EYS: variants seen among roughly 807,000 people sequenced by gnomAD.
EYS encodes the protein EGF-like photoreceptor maintenance factor.
EYS carries 250 observed loss-of-function variants against 282.1 expected under a neutral mutation model. That is an observed-to-expected ratio of 0.89 (90% CI 0.80 to 0.98). The LOEUF is 0.98. Among genes scored for constraint, EYS ranks in the 50% least tolerant of loss-of-function variants. The pLI, the probability that EYS is intolerant of heterozygous loss-of-function variation, is 0.00. For missense variants in EYS, 4,016 were observed against 3,709.0 expected, an observed-to-expected ratio of 1.08 and a Z score of -2.15; for synonymous variants, 1,355 against 1,282.9, an observed-to-expected ratio of 1.06 and a Z score of -1.20.
intron 33 of EYS, among the ~76,000 whole-genome samples, chr6:64,029,479 AC>A (rs1342421100): frequency 1.3e-5 from 2 of 152,192 alleles, no homozygotes; most frequent in Non-Finnish European, 2.9e-5. Flanking sequence ...CTACTTAGAT[AC>A]CAGGTACTCC....
chr6:64,735,752 A>G (rs995547954), intron 22 of EYS, among the ~76,000 whole-genome samples: 11 of 152,168 alleles, frequency 7.2e-5, no homozygotes, highest in African/African-American at 2.7e-4. Flanking sequence ...ATTTTTTGAC[A>G]TAAATGTAGT....
At chr6:65,610,811 G>A (rs1466911846) in intron 2 of EYS, among the ~76,000 whole-genome samples, 2 of 151,972 alleles carry the variant, frequency 1.3e-5, no homozygotes, top group Admixed American at 6.6e-5. Context: ...TTAAAATATC[G>A]TGTTTATAAT....
intron 12 of EYS, among the ~76,000 whole-genome samples, chr6:65,107,390 T>C (rs1775071127): frequency 7.3e-6 from 1 of 136,154 alleles, no homozygotes; most frequent in Non-Finnish European, 1.5e-5. Flanking sequence ...GTTATTGTTA[T>C]ATAACACCTA....
chr6:64,011,354 T>A (rs1201973942), intron 33 of EYS, among the ~76,000 whole-genome samples: 2 of 152,184 alleles, frequency 1.3e-5, no homozygotes, highest in African/African-American at 4.8e-5. Flanking sequence ...AGTTCTTGCC[T>A]TTGAAGGGAC....
chr6:64,543,576 C>A (rs1000080996), intron 26 of EYS, among the ~76,000 whole-genome samples: 5 of 152,032 alleles, frequency 3.3e-5, no homozygotes, highest in Non-Finnish European at 7.4e-5. Flanking sequence ...AAGGCTCTAT[C>A]ACAAAATGTT....
At chr6:64,761,594 C>T (rs781063046) in intron 22 of EYS, among the ~76,000 whole-genome samples, 2 of 152,122 alleles carry the variant, frequency 1.3e-5, no homozygotes, top group Non-Finnish European at 2.9e-5. Context: ...GCAGCTGGGA[C>T]TACTGGCGCA....
At chr6:65,112,378 C>G (rs780323000) in intron 12 of EYS, among the ~76,000 whole-genome samples, 47 of 151,940 alleles carry the variant, frequency 3.1e-4, no homozygotes, top group Admixed American at 1.1e-3. Flanking sequence ...AATAGATAGA[C>G]CTTTCATCTA....
chr6:65,162,555 A>C (rs1018219144), intron 12 of EYS, among the ~76,000 whole-genome samples: 1 of 151,154 alleles, frequency 6.6e-6, no homozygotes, highest in African/African-American at 2.4e-5. Flanking sequence ...TAATGTTATA[A>C]ATTTCCATTT....
chr6:64,710,267 G>T (rs6914376), intron 22 of EYS, among the ~76,000 whole-genome samples: 5,859 of 152,194 alleles, frequency 0.038, 255 homozygotes, highest in East Asian at 0.14. Flanking sequence ...TTTCCACATG[G>T]CATTTCATAG....
At chr6:64,405,608 C>T (rs979812660) in intron 28 of EYS, among the ~76,000 whole-genome samples, 1 of 152,150 alleles carries the variant, frequency 6.6e-6, no homozygotes, top group Admixed American at 6.5e-5. Context: ...TCTCCTTAAG[C>T]TGATAAGCAA....
intron 23 of EYS, 144 bp downstream of exon 23, chr6:64,625,977 T>A (rs139663707): frequency 1.9e-6 from 1 of 532,170 alleles, no homozygotes; most frequent in Non-Finnish European, 3.3e-6. Flanking sequence ...AGAATGATCA[T>A]TGCTTAAAAC....
intron 37 of EYS, among the ~76,000 whole-genome samples, chr6:63,802,435 G>T (rs1326154150): frequency 6.6e-6 from 1 of 151,624 alleles, no homozygotes; most frequent in African/African-American, 2.4e-5. Context: ...TGCACGTTCT[G>T]CACATGCATC....
At chr6:64,962,773 G>A (rs1769968087) in intron 14 of EYS, among the ~76,000 whole-genome samples, 1 of 151,912 alleles carries the variant, frequency 6.6e-6, no homozygotes. Context: ...CAAAAAAAGA[G>A]AGAGAGAAAT....
chr6:65,493,217 C>A (rs529089943), intron 4 of EYS, among the ~76,000 whole-genome samples: 30 of 152,200 alleles, frequency 2.0e-4, no homozygotes, highest in African/African-American at 7.2e-4. Flanking sequence ...CAAGTCGGCT[C>A]CCATTACATG....
At chr6:64,813,614 G>A in intron 21 of EYS, 37 bp from the exon 22 acceptor site, 2 of 1,271,610 alleles carry the variant, frequency 1.6e-6, no homozygotes, top group South Asian at 1.6e-5. Context: ...TTGATTATTA[G>A]TATAAGGTTG....
chr6:65,158,708 T>C (rs921868203), intron 12 of EYS, among the ~76,000 whole-genome samples: 1 of 150,892 alleles, frequency 6.6e-6, no homozygotes, highest in Non-Finnish European at 1.5e-5. Flanking sequence ...AATGAAAGTA[T>C]TGTAATTTCA....
intron 6 of EYS, among the ~76,000 whole-genome samples, chr6:65,403,393 CTTTG>C (rs1030747630): frequency 6.6e-6 from 1 of 151,728 alleles, no homozygotes; most frequent in Non-Finnish European, 1.5e-5. Context: ...TCTCTTTTTT[CTTTG>C]TTATCCTTAT....
At chr6:65,293,068 T>C (rs1768570595) in intron 12 of EYS, among the ~76,000 whole-genome samples, 1 of 151,664 alleles carries the variant, frequency 6.6e-6, no homozygotes, top group Non-Finnish European at 1.5e-5. Context: ...GTCTAAGAAC[T>C]TGAATCCTAT....
intron 22 of EYS, among the ~76,000 whole-genome samples, chr6:64,661,571 A>G (rs1712324380): frequency 6.6e-6 from 1 of 152,014 alleles, no homozygotes; most frequent in African/African-American, 2.4e-5. Context: ...AAATTGGGCG[A>G]AGGATATGAA....
Sources: gnomAD v4.1 joint callset for allele counts (sites outside exome capture counted in the v4.1 genomes callset) on GRCh38, gnomAD v4.1.1 for gene constraint, MANE v1.5 for transcripts, NCBI Gene and HGNC (gene_info 2026-07-23, HGNC 2026-07-21) for gene names.